Variants in MKS1 observed in about 807,000 individuals in gnomAD.
MKS1 encodes the protein MKS transition zone complex subunit 1, also known as tectonic-like complex member MKS1.
Under a neutral mutation model 83.7 loss-of-function variants are expected in MKS1, and 70 were observed. That is an observed-to-expected ratio of 0.84 (90% CI 0.69 to 1.02). MKS1 has a LOEUF of 1.02. Among genes scored for constraint, MKS1 ranks in the 50% least tolerant of loss-of-function variants. The pLI, the probability that MKS1 is intolerant of heterozygous loss-of-function variation, is 0.00. For synonymous variants in MKS1, 251 were observed against 273.4 expected (o/e 0.92, Z 0.81); for missense variants, 681 against 726.9 (o/e 0.94, Z 0.73).
rs776666925 is a variant in MKS1 at position 58,214,775 on chromosome 17, T to C, written c.481A>G (p.Asn161Asp). ...CTGTCCTGCCGGCGACGCCTGACAT[T>C]TGCCATTCGCTCGACCAAGAATGAA... Reference protein sequence around the residue: ...VPSFLVERMANVRRRRQDRRG... With the variant: ...VPSFLVERMADVRRRRQDRRG... The change falls in exon 5 of 18, where the codon AAT (asparagine) becomes GAT (aspartate). Residue 161 changes from asparagine to aspartate, a missense_variant. By Grantham distance (23) the Asn-to-Asp change is conservative. Transcript: ENST00000393119. The C allele has an allele frequency of 6.2e-7, 1 of 1,607,348 alleles. No individual in the cohort carries two copies. Among genetic ancestry groups the C allele is most frequent in the Non-Finnish European group, 8.5e-7 (1 of 1,179,834 alleles).
chr17:58,218,113 A>G (rs1440524707), intron 2 of MKS1, among the ~76,000 whole-genome samples: 1 of 152,214 alleles, frequency 6.6e-6, no homozygotes, highest in Non-Finnish European at 1.5e-5. Flanking sequence ...AAAAGTGTTT[A>G]TATGTGTATT....
chr17:58,206,312 C>G lies in MKS1; in HGVS notation c.1559G>C (p.Ser520Thr). The G allele has an allele frequency of 1.2e-6, 2 of 1,614,144 alleles. No individual in the cohort carries two copies. Among genetic ancestry groups the G allele is most frequent in the Non-Finnish European group, 1.7e-6 (2 of 1,180,028 alleles). The change falls in exon 17 of 18, where the codon AGC (serine) becomes ACC (threonine). Residue 520 changes from serine to threonine, a missense_variant. Transcript: ENST00000393119. The part of the protein sequence containing the change: ...RSVLDRLEGF[S>T]QQSSIHNVLE... ...CACATTGTGAATGGAACTCTGCTGGCTGAACCCTTCCAGACGGTCCAACAC... is the reference window on the plus strand; with the variant it reads ...CACATTGTGAATGGAACTCTGCTGGGTGAACCCTTCCAGACGGTCCAACAC...
rs2143805609 is a variant in MKS1, at chr17:58,214,389, T to C, written c.516-2A>G. On this transcript the variant is annotated splice_acceptor_variant, in intron 5 of 17. Transcript: ENST00000393119. LOFTEE classifies it high-confidence loss of function. ...CGTGACTTGAGGATGCCGCCCTCCC[T>C]GGGAGACACCACAGAAAGGTCACTT... 6.2e-7 allele frequency: 1 copy of C among 1,612,832 alleles called. No homozygotes were observed. The highest frequency in any genetic ancestry group is 8.5e-7 in the Non-Finnish European group (1 of 1,180,026).
intron 14 of MKS1, 115 bp from the exon 15 acceptor site, chr17:58,207,333 A>C (rs1968582556): frequency 7.0e-7 from 1 of 1,438,262 alleles, no homozygotes; most frequent in Non-Finnish European, 9.6e-7. Context: ...TCTGGTGATG[A>C]CCTGGCCTCT....
intron 4 of MKS1, 45 bp downstream of exon 4, chr17:58,216,043 G>T: frequency 6.2e-7 from 1 of 1,609,038 alleles, no homozygotes; most frequent in South Asian, 1.1e-5. Flanking sequence ...AAAAAAGCTA[G>T]AGGAAGCAAA....
chr17:58,210,208 A>C (rs1338208307), intron 11 of MKS1, among the ~76,000 whole-genome samples: 1 of 152,172 alleles, frequency 6.6e-6, no homozygotes, highest in Non-Finnish European at 1.5e-5. Context: ...TCCAGGGAAA[A>C]GGTTAAGGCT....
In MKS1 at chr17:58,208,101, T is replaced by G; in HGVS notation, c.1165+4A>C. The G allele has an allele frequency of 1.9e-6, 3 of 1,612,938 alleles. No individual in the cohort carries two copies. The highest frequency in any genetic ancestry group is 2.5e-6 in the Non-Finnish European group (3 of 1,178,998). On this transcript the variant is annotated splice_donor_region_variant and intron_variant, in intron 13 of 17. Transcript: ENST00000393119. ...GGCCCAGGATCAACTGCTGAGCTAC[T>G]CACCAGAAGATTCATCCTCATGGAG...
At chr17:58,216,278 T>G (rs1248699820) in intron 3 of MKS1, 35 bp from the exon 4 acceptor site, 1 of 1,601,366 alleles carries the variant, frequency 6.2e-7, no homozygotes, top group Admixed American at 1.7e-5. Context: ...GATGTGTACA[T>G]CATTATAATA....
chr17:58,218,793 G>A, intron 1 of MKS1, 64 bp from the exon 2 acceptor site: 1 of 1,401,776 alleles, frequency 7.1e-7, no homozygotes, highest in Admixed American at 1.7e-5. Flanking sequence ...CACAAAGCAA[G>A]GATGGGGGAA....
Position 58,214,258 on chromosome 17 carries a change from C to A in MKS1, c.644+1G>T, listed in dbSNP as rs779258386. ...AGCTGGCAGTGAGAAGCGCCACTCA[C>A]TTTTTATAGGGCCCCAGGTCTGCCA... On this transcript the variant is annotated splice_donor_variant, in intron 6 of 17. Coordinates refer to ENST00000393119, the MANE Select transcript of MKS1 (RefSeq NM_017777.4). LOFTEE classifies it high-confidence loss of function. The A allele has an allele frequency of 6.2e-7, 1 of 1,614,050 alleles. No individual in the cohort carries two copies. The highest frequency in any genetic ancestry group is 1.3e-5 in the African/African-American group (1 of 74,922).
chr17:58,211,708 A>G (rs1476289846), intron 9 of MKS1, among the ~76,000 whole-genome samples: 1 of 149,270 alleles, frequency 6.7e-6, no homozygotes, highest in Non-Finnish European at 1.5e-5. Context: ...GACTACAGGT[A>G]TGTATCACCA....
In MKS1 at chr17:58,205,871, G is replaced by C. The variant is rs1024064276; in HGVS notation, c.*208C>G. On this transcript the variant is annotated 3_prime_UTR_variant, in exon 18 of 18. Coordinates refer to ENST00000393119, the MANE Select transcript of MKS1 (RefSeq NM_017777.4). The stretch of plus-strand genomic sequence containing the variant: ...CAGTGGCTGCAAATATAAAGGGGGG[G>C]CCACAGGGTCTCTGGCTTTATTTCC... 7.0e-7 allele frequency: 1 copy of C among 1,435,936 alleles called. No homozygotes were observed. Among genetic ancestry groups the C allele is most frequent in the African/African-American group, 1.4e-5 (1 of 69,748 alleles). 88.9% of individuals were successfully genotyped at this position (1,435,936 alleles called of 1,614,324 possible). A position where few individuals can be genotyped will look rare whatever the true frequency, so the allele number is the denominator to read the frequency against.
At position 58,213,783 on chromosome 17, in the gene MKS1, C is replaced by T; in HGVS notation, c.731G>A (p.Gly244Asp). 1 of 1,613,764 alleles carries T rather than the reference C, an allele frequency of 6.2e-7. No individual in the cohort carries two copies. Among genetic ancestry groups the T allele is most frequent in the Non-Finnish European group, 8.5e-7 (1 of 1,179,642 alleles). Reference protein sequence around the residue: ...GVITVKPDFTGLKGPYRIETE... With the variant: ...GVITVKPDFTDLKGPYRIETE... ...TCCTCACCTGTAGGGTCCTTTGAGG[C>T]CCGTGAAGTCAGGCTTTACTGTGAT... The change falls in exon 7 of 18, where the codon GGC becomes GAC. Residue 244 changes from glycine (G) to aspartate (D), a missense_variant. By Grantham distance (94) the Gly-to-Asp change is moderately conservative. Around this residue, in one of 3 missense-constraint regions of MKS1, gnomAD observed 365 missense variants for 383.8 expected, o/e 0.95. Transcript: ENST00000393119.
chr17:58,216,739 C>G lies in MKS1; in HGVS notation c.191-3G>C. On this transcript the variant is annotated splice_polypyrimidine_tract_variant and splice_region_variant and intron_variant, in intron 2 of 17. Coordinates refer to ENST00000393119, the MANE Select transcript of MKS1 (RefSeq NM_017777.4). The stretch of plus-strand genomic sequence containing the variant: ...GTCTTCCTCTGGGCGGTGTCCACCT[C>G]CAAAGACAACAGAGTGAATCAAATG... 6.2e-7 allele frequency: 1 copy of G among 1,614,110 alleles called. No individual in the cohort carries two copies.
In MKS1 at chr17:58,208,414, C is replaced by A. The variant is rs1968664480; in HGVS notation, c.1095+99G>T. 5 of 1,398,690 alleles carry A rather than the reference C, an allele frequency of 3.6e-6. No individual in the cohort carries two copies. The East Asian group carries it at 1.2e-4, about 32-fold the overall frequency. 86.6% of individuals were successfully genotyped at this position (1,398,690 alleles called of 1,614,324 possible). On this transcript the variant is annotated intron_variant, in intron 12 of 17. Coordinates refer to ENST00000393119, the MANE Select transcript of MKS1 (RefSeq NM_017777.4). ...CACACAAGTCACCCAACTCTGGAAT[C>A]CTCCCCAGGGCGCACAGCACTTGGC... is the stretch of plus-strand genomic sequence containing the variant.
rs1412560835 is a variant in MKS1, at chr17:58,216,700, A to G, written c.227T>C (p.Ile76Thr). Residue 76 changes from isoleucine (I) to threonine (T), a missense_variant, in exon 3 of 18, where the codon ATT (isoleucine) becomes ACT (threonine). Transcript: ENST00000393119. ...GAGCTTCTCCTGCCACCCAATCACA[A>G]TCTCCTCCTCTTCGTCTTCCTCTGG... is the stretch of plus-strand genomic sequence containing the variant. ...HRPEEDEEEE[I>T]VIGWQEKLFS... 6.8e-6 allele frequency: 11 copies of G among 1,614,026 alleles called. No homozygotes were observed. Among genetic ancestry groups the G allele is most frequent in the Admixed American group, 5.0e-5 (3 of 59,992 alleles).
intron 11 of MKS1, among the ~76,000 whole-genome samples, chr17:58,208,944 T>C (rs1325689077): frequency 6.6e-6 from 1 of 152,140 alleles, no homozygotes; most frequent in Non-Finnish European, 1.5e-5. Flanking sequence ...TAACCTTGAG[T>C]TGACACAGCA....
intron 6 of MKS1, 102 bp downstream of exon 6, chr17:58,214,157 C>T (rs1166900091): frequency 6.4e-7 from 1 of 1,558,542 alleles, no homozygotes; most frequent in African/African-American, 1.4e-5. Flanking sequence ...AGAAAAAGTC[C>T]CTCCCTCCCC....
Position 58,205,674 on chromosome 17 carries a change from C to G in MKS1, c.*405G>C, listed in dbSNP as rs950729461. On this transcript the variant is annotated 3_prime_UTR_variant, in exon 18 of 18. Transcript: ENST00000393119. ...TTAAGACCCTCTCACCGTCCACCTT[C>G]CTTCCTTCTTTGGTCTTGGAAGATG... 2 of 1,311,840 alleles carry G rather than the reference C, an allele frequency of 1.5e-6. No homozygotes were observed. The highest frequency in any genetic ancestry group is 2.0e-6 in the Non-Finnish European group (2 of 994,290). The allele number at this position is 1,311,840 out of a possible 1,614,324, so 81.3% of individuals were successfully genotyped here.
Sources: allele counts gnomAD v4.1 joint callset (sites outside exome capture counted in the v4.1 genomes callset), GRCh38; gene constraint gnomAD v4.1.1; regional missense constraint gnomAD v4.1.1; transcripts MANE v1.5; gene names NCBI Gene and HGNC (gene_info 2026-07-23, HGNC 2026-07-21).